The following ABI3 variants were observed in gnomAD, a reference collection of about 807,000 sequenced individuals.
The protein encoded by ABI3 is ABI family member 3.
ABI3 carries 24 observed loss-of-function variants against 37.0 expected under a neutral mutation model. That is an observed-to-expected ratio of 0.65 (90% CI 0.47 to 0.91). ABI3 has a LOEUF of 0.91. ABI3 is among the 40% of genes least tolerant of loss of function. The pLI, the probability that ABI3 is intolerant of heterozygous loss-of-function variation, is 0.00. For missense variants in ABI3, 481 were observed against 485.1 expected (o/e 0.99, Z 0.08); for synonymous variants, 220 against 211.8 (o/e 1.04, Z -0.34).
At chr17:49,222,478 C>T (rs2043302016) in intron 7 of ABI3, 74 bp from the exon 8 acceptor site, 2 of 1,554,828 alleles carry the variant, frequency 1.3e-6, no homozygotes, top group Non-Finnish European at 1.8e-6. Context: ...ACCGTGCATC[C>T]CCATGGTGGT....
At position 49,218,718 on chromosome 17, in the gene ABI3, C is replaced by G. The variant is rs1465057836; in HGVS notation, c.462+803C>G. Among the ~76,000 whole-genome samples, 4 of 152,074 alleles carry G rather than the reference C, an allele frequency of 2.6e-5. No individual in the cohort carries two copies. In the East Asian group the frequency reaches 5.8e-4, roughly 22 times the overall value. ...TCCCAGGTTCAAGTGATTCTCCTGC[C>G]TCAGCCTCCCAAGTAGCTGGGATTA... On this transcript the variant is annotated intron_variant, in intron 3 of 7. Coordinates refer to ENST00000225941, the MANE Select transcript of ABI3 (RefSeq NM_016428.3).
rs1047718652 is a variant in ABI3, at chr17:49,222,228, A to T, written c.937+3A>T. The T allele has an allele frequency of 1.2e-5, 19 of 1,612,338 alleles. No homozygotes were observed. Among genetic ancestry groups the T allele is most frequent in the Non-Finnish European group, 1.6e-5 (19 of 1,179,186 alleles). On this transcript the variant is annotated splice_donor_region_variant and intron_variant, in intron 7 of 7. Transcript: ENST00000225941. ...GCCTGCCTCATACTTGGAGAAAGGT[A>T]CCTGACTTCTGGGACTGAGGGGCAC...
Position 49,219,240 on chromosome 17 carries a change from T to G in ABI3, c.463-300T>G, listed in dbSNP as rs565503228. Among the ~76,000 whole-genome samples, 26 of 152,030 alleles carry G rather than the reference T, an allele frequency of 1.7e-4. No individual in the cohort carries two copies. Among genetic ancestry groups the G allele is most frequent in the Non-Finnish European group, 3.5e-4 (24 of 68,000 alleles). ...GGACCACCAAGCCAGGGCCCCAGCT[T>G]CCTGGGCTCTGAGATGGTCTGGGGG... On this transcript the variant is annotated intron_variant, in intron 3 of 7. Coordinates refer to ENST00000225941, the MANE Select transcript of ABI3 (RefSeq NM_016428.3). This position sits in a 1 kb window ranked among gnomAD's most constrained non-coding sequence, Gnocchi z 4.3.
intron 1 of ABI3, among the ~76,000 whole-genome samples, chr17:49,214,080 G>A (rs746060701): frequency 2.3e-4 from 35 of 152,196 alleles, no homozygotes; most frequent in Non-Finnish European, 4.3e-4. Context: ...GAGAGCCATC[G>A]CATGGGCTGC....
At position 49,220,185 on chromosome 17, in the gene ABI3, G is replaced by C; in HGVS notation, c.661G>C (p.Gly221Arg). ...GGTGTTCAGCAGCGCCGAAGGTGTC[G>C]GTGGGGCCCCCACGCCCAAGGGGCA... is the stretch of plus-strand genomic sequence containing the variant. ...LASAGSAEGVGGAPTPKGQAA... is the reference protein window; with the variant it reads ...LASAGSAEGVRGAPTPKGQAA... Residue 221 changes from glycine to arginine, a missense_variant, in exon 6 of 8, where the codon GGT becomes CGT. By Grantham distance (125) the Gly-to-Arg change is moderately radical. Coordinates refer to ENST00000225941, the MANE Select transcript of ABI3 (RefSeq NM_016428.3). 3 of 1,612,036 alleles carry C rather than the reference G, an allele frequency of 1.9e-6. No homozygotes were observed. The highest frequency in any genetic ancestry group is 1.1e-5 in the South Asian group (1 of 90,994).
intron 1 of ABI3, among the ~76,000 whole-genome samples, 179 bp from the exon 2 acceptor site, chr17:49,216,352 T>C (rs1043954415): frequency 1.6e-4 from 25 of 152,140 alleles, no homozygotes; most frequent in African/African-American, 5.8e-4. Flanking sequence ...TTTAAAGTGA[T>C]GTTGTAGCAA....
chr17:49,215,175 C>T (rs1425500687), intron 1 of ABI3, among the ~76,000 whole-genome samples: 1 of 152,178 alleles, frequency 6.6e-6, no homozygotes, highest in African/African-American at 2.4e-5. Flanking sequence ...AAGTACAGCA[C>T]ATGCCAAGGC....
Position 49,216,702 on chromosome 17 carries a change from A to AGGGGCGT in ABI3, c.285+15_285+21dup, listed in dbSNP as rs1156592429. On this transcript the variant is annotated splice_donor_region_variant and intron_variant, in intron 2 of 7. Transcript: ENST00000225941. ...CCGTGTAAGCACGCTGGGCCAGGTAAGGGGCGTGGGGCGTGGGAAGGCATC... is the reference window on the plus strand; with the variant it reads ...CCGTGTAAGCACGCTGGGCCAGGTAAGGGGCGTGGGGCGTGGGGCGTGGGAAGGCATC... The AGGGGCGT allele has an allele frequency of 5.9e-6, 9 of 1,533,084 alleles. No individual in the cohort carries two copies. The highest frequency in any genetic ancestry group is 1.4e-5 in the African/African-American group (1 of 72,162). The allele number at this position is 1,533,084 out of a possible 1,614,324, so 95.0% of individuals were successfully genotyped here.
At chr17:49,221,990 C>T in intron 6 of ABI3, 101 bp from the exon 7 acceptor site, 1 of 1,417,618 alleles carries the variant, frequency 7.1e-7, no homozygotes, top group Non-Finnish European at 9.3e-7. Context: ...ACGTGCCTCG[C>T]TGAGATGGGT....
At chr17:49,220,882 T>C (rs113795535) in intron 6 of ABI3, among the ~76,000 whole-genome samples, 4 of 110,792 alleles carry the variant, frequency 3.6e-5, no homozygotes, top group African/African-American at 1.3e-4. Context: ...ATAATAATAA[T>C]AATAATAATA....
Position 49,219,222 on chromosome 17 carries a change from C to T in ABI3, c.463-318C>T, listed in dbSNP as rs2043253115. Among the ~76,000 whole-genome samples, 2 of 152,126 alleles carry T rather than the reference C, an allele frequency of 1.3e-5. No homozygotes were observed. Among genetic ancestry groups the T allele is most frequent in the South Asian group, 4.1e-4 (2 of 4,826 alleles). ...CAGCCCGATCAAAGTTAGGGACCAC[C>T]AAGCCAGGGCCCCAGCTTCCTGGGC... On this transcript the variant is annotated intron_variant, in intron 3 of 7. Coordinates refer to ENST00000225941, the MANE Select transcript of ABI3 (RefSeq NM_016428.3). This position sits in a 1 kb window ranked among gnomAD's most constrained non-coding sequence, Gnocchi z 4.3.
chr17:49,222,169 C>A lies in ABI3; in HGVS notation c.881C>A (p.Pro294Gln), dbSNP rs527835287. ...GATGAATTGGGGCTGCCTCCACCCCCACCAGGATTTGGGCCTGATGAGCCC... is the reference window on the plus strand; with the variant it reads ...GATGAATTGGGGCTGCCTCCACCCCAACCAGGATTTGGGCCTGATGAGCCC... ...DGDELGLPPP[P>Q]PGFGPDEPSW... Residue 294 changes from proline (P) to glutamine (Q), a missense_variant, in exon 7 of 8, where the codon CCA (proline) becomes CAA (glutamine). Transcript: ENST00000225941. 6.2e-7 allele frequency: 1 copy of A among 1,613,808 alleles called. No individual in the cohort carries two copies. The highest frequency in any genetic ancestry group is 8.5e-7 in the Non-Finnish European group (1 of 1,179,926).
Position 49,217,916 on chromosome 17 carries a change from G to A in ABI3, c.462+1G>A. On this transcript the variant is annotated splice_donor_variant, in intron 3 of 7. Transcript: ENST00000225941. LOFTEE classifies it high-confidence loss of function. The stretch of plus-strand genomic sequence containing the variant: ...GGACGACATTGGCCATGGGATCAAG[G>A]TAGAGAGAGGGGCCCTCCTCTTTCC... The A allele has an allele frequency of 6.5e-7, 1 of 1,529,994 alleles. No homozygotes were observed. The highest frequency in any genetic ancestry group is 8.7e-7 in the Non-Finnish European group (1 of 1,143,470). The allele number at this position is 1,529,994 out of a possible 1,614,324, so 94.8% of individuals were successfully genotyped here. A position where few individuals can be genotyped will look rare whatever the true frequency, so the allele number is the denominator to read the frequency against.
rs567658506 is a variant in ABI3 at position 49,210,823 on chromosome 17, C to T, written c.99C>T (p.Cys33=). 226 of 1,555,884 alleles carry T rather than the reference C, an allele frequency of 1.5e-4. No individual in the cohort carries two copies. Among genetic ancestry groups the T allele is most frequent in the South Asian group, 1.0e-3 (85 of 84,508 alleles). ...CCCTGCTGCGGGTCGCTGACTACTG[C>T]GAGGACAACTATGTGCAGGTAGGTA... is the stretch of plus-strand genomic sequence containing the variant. ...HSALLRVADY[C]EDNYVQATDK... is the part of the protein sequence containing the mutation. The change falls in exon 1 of 8, where the codon TGC becomes TGT. Residue 33 remains cysteine, a synonymous_variant. Transcript: ENST00000225941. This position sits in a 1 kb window ranked among gnomAD's most constrained non-coding sequence, Gnocchi z 4.2.
chr17:49,222,947 A>T lies in ABI3; in HGVS notation c.*232A>T. On this transcript the variant is annotated 3_prime_UTR_variant, in exon 8 of 8. Transcript: ENST00000225941. The stretch of plus-strand genomic sequence containing the variant: ...AAACCAAGAAGTTTGTCAACAGAGG[A>T]CCCCTACTCCATGCAGGACAGGGTC... 2 of 577,256 alleles carry T rather than the reference A, an allele frequency of 3.5e-6. No individual in the cohort carries two copies. The highest frequency in any genetic ancestry group is 6.1e-6 in the Non-Finnish European group (2 of 326,494). 35.8% of individuals were successfully genotyped at this position (577,256 alleles called of 1,614,324 possible). A position where few individuals can be genotyped will look rare whatever the true frequency, so the allele number is the denominator to read the frequency against.
At chr17:49,214,989 C>T (rs1384847983) in intron 1 of ABI3, among the ~76,000 whole-genome samples, 1 of 151,790 alleles carries the variant, frequency 6.6e-6, no homozygotes, top group Non-Finnish European at 1.5e-5. Flanking sequence ...GGCAAGGGGG[C>T]GTAGATAACG....
chr17:49,217,773 G>A lies in ABI3; in HGVS notation c.320G>A (p.Arg107Lys). 1 of 1,611,470 alleles carries A rather than the reference G, an allele frequency of 6.2e-7. No individual in the cohort carries two copies. The highest frequency in any genetic ancestry group is 2.2e-5 in the East Asian group (1 of 44,622). Residue 107 changes from arginine (R) to lysine (K), a missense_variant, in exon 3 of 8, where the codon AGG (arginine) becomes AAG (lysine). By Grantham distance (26) the Arg-to-Lys change is conservative. Coordinates refer to ENST00000225941, the MANE Select transcript of ABI3 (RefSeq NM_016428.3). Reference sequence around the variant, plus strand: ...ATGCATATGGAGAAGGTGGCCCGAAGGGAGATCGGCACCTTAGCCACTGTC... The same window carrying A: ...ATGCATATGGAGAAGGTGGCCCGAAAGGAGATCGGCACCTTAGCCACTGTC... ...VNMHMEKVAR[R>K]EIGTLATVQR...
intron 6 of ABI3, 151 bp from the exon 7 acceptor site, chr17:49,221,940 A>G: frequency 9.4e-7 from 1 of 1,063,648 alleles, no homozygotes; most frequent in African/African-American, 1.6e-5. Flanking sequence ...GCTGGTCTCG[A>G]ACTCCTGGCC....
intron 6 of ABI3, among the ~76,000 whole-genome samples, chr17:49,221,388 G>A (rs965945286): frequency 4.7e-5 from 7 of 150,522 alleles, no homozygotes; most frequent in Non-Finnish European, 7.4e-5. Flanking sequence ...GGAGAATGGC[G>A]TGAACCCGGG....
Sources: allele counts gnomAD v4.1 joint callset (sites outside exome capture counted in the v4.1 genomes callset), GRCh38; gene constraint gnomAD v4.1.1; non-coding constraint Gnocchi (gnomAD v3.1); transcripts MANE v1.5; gene names NCBI Gene and HGNC (gene_info 2026-07-23, HGNC 2026-07-21).